Variants in CDH26 observed in about 807,000 individuals in gnomAD.
CDH26 encodes the protein cadherin 26, also known as cadherin-like protein 26.
In CDH26, 83 loss-of-function variants were observed where a neutral mutation model predicts 90.3. The ratio of observed to expected loss-of-function variants is 0.92; its 90% CI spans 0.77 to 1.10. The LOEUF (loss-of-function observed/expected upper bound fraction) is 1.10, where lower values mean the gene tolerates loss of function less well. Ranked by LOEUF, CDH26 falls within the 50% of genes least tolerant of loss-of-function variation. The pLI, the probability that CDH26 is intolerant of heterozygous loss-of-function variation, is 0.00. For synonymous variants in CDH26, 397 were observed against 396.3 expected, an observed-to-expected ratio of 1.00 and a Z score of -0.02; for missense variants, 1,013 against 1,037.6, an observed-to-expected ratio of 0.98 and a Z score of 0.33.
intron 9 of CDH26, 51 bp downstream of exon 9, chr20:59,989,214 T>C (rs954392864): frequency 8.7e-6 from 14 of 1,603,488 alleles, no homozygotes; most frequent in Non-Finnish European, 1.2e-5. Flanking sequence ...AATAGCCACA[T>C]AACCAAGAGG....
Position 59,969,952 on chromosome 20 carries a change from C to G in CDH26, c.127-130C>G, listed in dbSNP as rs907114953. The G allele has an allele frequency of 5.1e-6, 7 of 1,361,824 alleles. No individual in the cohort carries two copies. In the African/African-American group the frequency reaches 1.0e-4, roughly 20 times the overall value. 84.4% of individuals were successfully genotyped at this position (1,361,824 alleles called of 1,614,324 possible). A position where few individuals can be genotyped will look rare whatever the true frequency, so the allele number is the denominator to read the frequency against. On this transcript the variant is annotated intron_variant, in intron 2 of 17. Transcript: ENST00000348616. The stretch of plus-strand genomic sequence containing the variant: ...ACTTGGGTTTTCCAAGCTTAGGTGG[C>G]TGTTCTGGCGATGAGAGAATGCAGG...
At chr20:59,969,249 C>G (rs949506544) in intron 2 of CDH26, among the ~76,000 whole-genome samples, 3 of 152,170 alleles carry the variant, frequency 2.0e-5, no homozygotes. Flanking sequence ...CATCAAAATT[C>G]AACTGTACAC....
At chr20:60,026,646 C>T (rs1433992224) in intron 7 of CDH26, among the ~76,000 whole-genome samples, 1 of 152,198 alleles carries the variant, frequency 6.6e-6, no homozygotes, top group African/African-American at 2.4e-5. Flanking sequence ...TGGTCAAGAA[C>T]CTGAGAGCGC....
At chr20:59,987,224 G>A (rs2061469916) in intron 7 of CDH26, among the ~76,000 whole-genome samples, 1 of 152,122 alleles carries the variant, frequency 6.6e-6, no homozygotes, top group South Asian at 2.1e-4. Flanking sequence ...CAGGTAGGAG[G>A]GGGCAGATAT....
rs867708006 is a variant in CDH26, at chr20:60,012,843, T to A, written c.*113T>A. ...CCTTAAAAGAAAAATTACCTTCTAGTCCTAGGATGAGGACACACTATTAGT... is the reference window on the plus strand; with the variant it reads ...CCTTAAAAGAAAAATTACCTTCTAGACCTAGGATGAGGACACACTATTAGT... On this transcript the variant is annotated 3_prime_UTR_variant, in exon 18 of 18. Transcript: ENST00000348616. 2 of 927,674 alleles carry A rather than the reference T, an allele frequency of 2.2e-6. No individual in the cohort carries two copies. The highest frequency in any genetic ancestry group is 3.3e-5 in the African/African-American group (2 of 60,248). 57.5% of individuals were successfully genotyped at this position (927,674 alleles called of 1,614,324 possible). A position where few individuals can be genotyped will look rare whatever the true frequency, so the allele number is the denominator to read the frequency against.
chr20:59,966,159 C>T (rs763478675), intron 1 of CDH26, among the ~76,000 whole-genome samples: 2 of 146,866 alleles, frequency 1.4e-5, no homozygotes. Context: ...CATCAAGGAA[C>T]CGTATATCAG....
chr20:59,986,633 A>G (rs553976969), intron 7 of CDH26, among the ~76,000 whole-genome samples: 9 of 150,730 alleles, frequency 6.0e-5, no homozygotes, highest in Non-Finnish European at 1.2e-4. Flanking sequence ...ACACACACAC[A>G]CACACACACA....
At position 59,982,948 on chromosome 20, in the gene CDH26, C is replaced by T; in HGVS notation, c.419C>T (p.Ser140Leu). ...GTTTATTTTGATGTTGTGGAGCGCT[C>T]AACAGGAAAAATTGTGGATACATCC... ...FTVYFDVVER[S>L]TGKIVDTSLI... is the part of the protein sequence containing the mutation. Residue 140 changes from serine (S) to leucine (L), a missense_variant, in exon 5 of 18, where the codon TCA becomes TTA. Transcript: ENST00000348616. 6.2e-7 allele frequency: 1 copy of T among 1,613,910 alleles called. No homozygotes were observed. The highest frequency in any genetic ancestry group is 8.5e-7 in the Non-Finnish European group (1 of 1,179,926).
At chr20:59,993,664 C>T (rs2061555352) in intron 10 of CDH26, among the ~76,000 whole-genome samples, 1 of 152,166 alleles carries the variant, frequency 6.6e-6, no homozygotes, top group South Asian at 2.1e-4. Context: ...ACTCATTGGT[C>T]GATGGGCATT....
rs1555903641 is a variant in CDH26, at chr20:60,021,869, C to CACACACACACACAT, written c.948-9349_948-9348insTACACACACACACA. On this transcript the variant is annotated intron_variant, in intron 7 of 8. Coordinates refer to the CDH26 transcript ENST00000370991. ...ATCTGTACACACACACACACACACACACACACACACACACACACACACACA... is the reference window on the plus strand; with the variant it reads ...ATCTGTACACACACACACACACACACACACACACACACATACACACACACACACACACACACACA... Among the ~76,000 whole-genome samples, 347 of 102,932 alleles carry CACACACACACACAT rather than the reference C, an allele frequency of 3.4e-3. 54 individuals are homozygous for CACACACACACACAT. Among genetic ancestry groups the CACACACACACACAT allele is most frequent in the Non-Finnish European group, 5.8e-3 (259 of 44,774 alleles). The allele number at this position is 102,932 out of a possible 152,430, so 67.5% of individuals were successfully genotyped here.
chr20:60,006,580 T>G, intron 16 of CDH26, 133 bp from the exon 17 acceptor site: 4 of 656,648 alleles, frequency 6.1e-6, no homozygotes, highest in South Asian at 1.8e-5. Context: ...CAAACTACCC[T>G]GGGCCTGGCT....
At chr20:59,981,215 A>G (rs1412340137) in intron 4 of CDH26, among the ~76,000 whole-genome samples, 1 of 152,112 alleles carries the variant, frequency 6.6e-6, no homozygotes, top group Non-Finnish European at 1.5e-5. Context: ...TGCGTATTCA[A>G]ATTTCTTTGC....
At chr20:59,996,270 C>T (rs2061595792) in intron 12 of CDH26, 2 of 1,181,238 alleles carry the variant, frequency 1.7e-6, no homozygotes, top group Non-Finnish European at 2.3e-6. Context: ...CTTCTACTCA[C>T]AATGGAATCC....
chr20:59,984,036 G>A (rs192039178), intron 5 of CDH26, among the ~76,000 whole-genome samples: 131 of 152,258 alleles, frequency 8.6e-4, no homozygotes, highest in African/African-American at 2.7e-3. Flanking sequence ...TCCCAATCAA[G>A]CATTATTTAC....
At chr20:59,981,984 A>G (rs80142043) in intron 4 of CDH26, among the ~76,000 whole-genome samples, 4,410 of 152,142 alleles carry the variant, frequency 0.029, 119 homozygotes, top group African/African-American at 0.064. Flanking sequence ...TTCTTGAGAA[A>G]GTTTTCGTAG....
intron 1 of CDH26, among the ~76,000 whole-genome samples, chr20:59,967,854 TTTCTTTC>T (rs1164606101): frequency 1.7e-4 from 19 of 111,936 alleles, no homozygotes; most frequent in African/African-American, 8.3e-4. Context: ...TCTTTCTTTC[TTTCTTTC>T]TTTCTTTCTT....
chr20:59,997,160 A>C (rs1399168111), intron 13 of CDH26, among the ~76,000 whole-genome samples: 1 of 152,240 alleles, frequency 6.6e-6, no homozygotes, highest in Non-Finnish European at 1.5e-5. Context: ...AACTGTGCTT[A>C]GGGAAATAGT....
intron 4 of CDH26, among the ~76,000 whole-genome samples, chr20:59,976,586 A>T (rs763123580): frequency 6.6e-6 from 1 of 152,226 alleles, no homozygotes; most frequent in Non-Finnish European, 1.5e-5. Flanking sequence ...ACAGTCATAC[A>T]TTATGGAGGA....
chr20:60,001,888 G>T (rs939294231), intron 15 of CDH26, among the ~76,000 whole-genome samples: 2 of 152,262 alleles, frequency 1.3e-5, no homozygotes, highest in Middle Eastern at 3.4e-3. Flanking sequence ...AATAATTTTA[G>T]ACTAAATAGA....
Sources: gnomAD v4.1 joint callset for allele counts (sites outside exome capture counted in the v4.1 genomes callset) on GRCh38, gnomAD v4.1.1 for gene constraint, MANE v1.5 for transcripts, NCBI Gene and HGNC (gene_info 2026-07-23, HGNC 2026-07-21) for gene names.